The following DLG2 variants were observed in gnomAD, a reference collection of about 807,000 sequenced individuals.
DLG2 encodes disks large homolog 2.
DLG2 carries 45 observed loss-of-function variants against 132.5 expected under a neutral mutation model. The ratio of observed to expected loss-of-function variants is 0.34; its 90% CI spans 0.27 to 0.44. The LOEUF (loss-of-function observed/expected upper bound fraction) is 0.44. DLG2 is among the 20% of genes least tolerant of loss of function. The pLI, the probability that DLG2 is intolerant of heterozygous loss-of-function variation, is 1.00. For missense variants in DLG2, 1,045 were observed against 1,196.9 expected (o/e 0.87, Z 1.87); for synonymous variants, 424 against 419.6 (o/e 1.01, Z -0.13).
rs141246407 is a variant in DLG2, at chr11:85,421,373, C to T, written c.41-136008G>A. Among the ~76,000 whole-genome samples, 18 of 151,634 alleles carry T rather than the reference C, an allele frequency of 1.2e-4. 1 individual carries two copies. Among genetic ancestry groups the T allele is most frequent in the African/African-American group, 3.4e-4 (14 of 41,350 alleles). ...GTTGATCTCGCTGGGAGCTACAGAC[C>T]GGAGCTGTTCCTATTCGGCCATCTT... On this transcript the variant is annotated intron_variant, in intron 3 of 27. Coordinates refer to ENST00000376104, the MANE Select transcript of DLG2 (RefSeq NM_001142699.3).
At chr11:84,650,169 T>C (rs2099679834) in intron 6 of DLG2, among the ~76,000 whole-genome samples, 2 of 152,180 alleles carry the variant, frequency 1.3e-5, no homozygotes, top group Admixed American at 6.5e-5. Context: ...ATTTTAACTT[T>C]TTCCTCTGAA....
At chr11:84,487,768 A>G (rs2154495058) in intron 7 of DLG2, among the ~76,000 whole-genome samples, 1 of 152,246 alleles carries the variant, frequency 6.6e-6, no homozygotes, top group Non-Finnish European at 1.5e-5. Context: ...AGCTGGGAAA[A>G]ATGAGGAAGG....
At chr11:84,136,952 A>C (rs1473655295) in intron 9 of DLG2, among the ~76,000 whole-genome samples, 1 of 152,130 alleles carries the variant, frequency 6.6e-6, no homozygotes. Flanking sequence ...AGGGAACCTC[A>C]TGCCAAATGC....
At position 84,504,673 on chromosome 11, in the gene DLG2, C is replaced by T. The variant is rs1022363029; in HGVS notation, c.519+29897G>A. Among the ~76,000 whole-genome samples the T allele has an allele frequency of 2.6e-5, 4 of 151,952 alleles. No homozygotes were observed. In the South Asian group the frequency reaches 6.2e-4, roughly 24 times the overall value. ...CATTTAAACTAACCTTCTTAAAAAG[C>T]CATTTTTAACATTGAAACCTTCATG... On this transcript the variant is annotated intron_variant, in intron 7 of 27. Coordinates refer to ENST00000376104, the MANE Select transcript of DLG2 (RefSeq NM_001142699.3).
chr11:85,253,144 G>A (rs760969569), intron 4 of DLG2, among the ~76,000 whole-genome samples: 3 of 152,134 alleles, frequency 2.0e-5, no homozygotes, highest in Non-Finnish European at 4.4e-5. Flanking sequence ...GCATATACAT[G>A]ATTTCTACAC....
At chr11:84,876,950 C>G (rs2086442373) in intron 6 of DLG2, among the ~76,000 whole-genome samples, 2 of 152,180 alleles carry the variant, frequency 1.3e-5, no homozygotes, top group South Asian at 4.1e-4. Flanking sequence ...ACACAGCAGT[C>G]ATTCAGGAGC....
chr11:85,277,959 A>AT, intron 4 of DLG2, among the ~76,000 whole-genome samples: 1 of 152,310 alleles, frequency 6.6e-6, no homozygotes, highest in African/African-American at 2.4e-5. Context: ...ATTTACTTGC[A>AT]TAAAAACCTT....
At chr11:83,826,848 A>G (rs775949312) in intron 17 of DLG2, among the ~76,000 whole-genome samples, 7 of 152,190 alleles carry the variant, frequency 4.6e-5, no homozygotes, top group Non-Finnish European at 8.8e-5. Flanking sequence ...GAAAGGTTTC[A>G]TAAGATTTCT....
At chr11:84,113,606 C>T (rs2093475508) in intron 9 of DLG2, among the ~76,000 whole-genome samples, 2 of 151,982 alleles carry the variant, frequency 1.3e-5, no homozygotes, top group Admixed American at 1.3e-4. Context: ...ACTTTTTTTT[C>T]TGATAGGATG....
chr11:85,381,146 C>A (rs1028924327), intron 3 of DLG2, among the ~76,000 whole-genome samples: 40 of 152,174 alleles, frequency 2.6e-4, no homozygotes, highest in African/African-American at 8.7e-4. Flanking sequence ...ATGAAGAGAG[C>A]ACAGCCATGC....
intron 6 of DLG2, among the ~76,000 whole-genome samples, chr11:84,866,540 G>A (rs555527236): frequency 3.9e-5 from 6 of 152,304 alleles, no homozygotes; most frequent in African/African-American, 1.4e-4. Flanking sequence ...GTAGAGTCTT[G>A]TCTTGCTACT....
intron 5 of DLG2, among the ~76,000 whole-genome samples, chr11:85,152,899 T>A (rs2077349291): frequency 6.6e-6 from 1 of 152,186 alleles, no homozygotes; most frequent in South Asian, 2.1e-4. Context: ...TCAACCAGTT[T>A]TAATTCATAA....
intron 4 of DLG2, among the ~76,000 whole-genome samples, chr11:85,275,000 C>G (rs1460499906): frequency 6.6e-6 from 1 of 152,196 alleles, no homozygotes; most frequent in Non-Finnish European, 1.5e-5. Context: ...ATAGTTTTCC[C>G]TGTATCTTCG....
intron 4 of DLG2, among the ~76,000 whole-genome samples, chr11:85,164,178 C>A (rs1262272870): frequency 6.6e-6 from 1 of 152,096 alleles, no homozygotes; most frequent in East Asian, 1.9e-4. Context: ...ACACAAATAT[C>A]TTTACTAATG....
chr11:85,179,115 T>C (rs754562371), intron 4 of DLG2, among the ~76,000 whole-genome samples: 3 of 151,652 alleles, frequency 2.0e-5, no homozygotes, highest in Non-Finnish European at 4.4e-5. Context: ...GGATCTACAA[T>C]AGGAAACAAT....
At chr11:84,490,215 C>T (rs958851548) in intron 7 of DLG2, among the ~76,000 whole-genome samples, 2 of 152,096 alleles carry the variant, frequency 1.3e-5, no homozygotes, top group African/African-American at 4.8e-5. Context: ...TCTTACAGCA[C>T]TGTTGTGAGG....
At chr11:84,527,856 G>C (rs17807611) in intron 7 of DLG2, among the ~76,000 whole-genome samples, 12,949 of 148,710 alleles carry the variant, frequency 0.087, 594 homozygotes, top group South Asian at 0.13. Flanking sequence ...GTGATGATTA[G>C]GTAAGGAAGA....
chr11:85,317,097 A>C (rs2080736944), intron 3 of DLG2, among the ~76,000 whole-genome samples: 1 of 151,898 alleles, frequency 6.6e-6, no homozygotes, highest in Non-Finnish European at 1.5e-5. Flanking sequence ...GTAAATACAG[A>C]AGCATTGTAT....
chr11:84,621,865 G>A (rs1453308244), intron 6 of DLG2, among the ~76,000 whole-genome samples: 13 of 152,092 alleles, frequency 8.5e-5, no homozygotes, highest in Admixed American at 8.5e-4. Context: ...TCAGAACACC[G>A]CCAAGCTGAA....
Sources: allele counts gnomAD v4.1 joint callset (sites outside exome capture counted in the v4.1 genomes callset), GRCh38; gene constraint gnomAD v4.1.1; transcripts MANE v1.5; gene names NCBI Gene and HGNC (gene_info 2026-07-23, HGNC 2026-07-21).